Variants in CNTN5 observed in about 807,000 individuals in gnomAD.
The protein encoded by CNTN5 is contactin 5.
In CNTN5, 77 loss-of-function variants were observed where a neutral mutation model predicts 129.1. That is an observed-to-expected ratio of 0.60 (90% CI 0.50 to 0.72). The LOEUF (loss-of-function observed/expected upper bound fraction) is 0.72, where lower values mean the gene tolerates loss of function less well. CNTN5 is among the 30% of genes least tolerant of loss of function. CNTN5 has a pLI of 0.00. For missense variants in CNTN5, 1,478 were observed against 1,328.8 expected, an observed-to-expected ratio of 1.11 and a Z score of -1.75; for synonymous variants, 509 against 465.6, an observed-to-expected ratio of 1.09 and a Z score of -1.20.
At chr11:99,102,981 G>A (rs1215273688) in intron 1 of CNTN5, among the ~76,000 whole-genome samples, 1 of 152,100 alleles carries the variant, frequency 6.6e-6, no homozygotes, top group Non-Finnish European at 1.5e-5. Context: ...AGATAGGGAG[G>A]CCTCACAGTC....
intron 3 of CNTN5, among the ~76,000 whole-genome samples, chr11:99,660,707 A>C (rs544553685): frequency 6.6e-6 from 1 of 152,220 alleles, no homozygotes; most frequent in South Asian, 2.1e-4. Flanking sequence ...CTGTGTAAAT[A>C]ATTGTTCCAA....
intron 2 of CNTN5, among the ~76,000 whole-genome samples, chr11:99,498,551 T>C (rs952938232): frequency 6.6e-6 from 1 of 152,184 alleles, no homozygotes; most frequent in Non-Finnish European, 1.5e-5. Flanking sequence ...AAACTTTCCT[T>C]TGAGAATTTC....
chr11:99,206,026 A>G (rs945108036), intron 1 of CNTN5, among the ~76,000 whole-genome samples: 8 of 152,172 alleles, frequency 5.3e-5, no homozygotes, highest in African/African-American at 7.2e-5. Context: ...TTTCTTTGCT[A>G]TGTGCTCCTC....
intron 1 of CNTN5, among the ~76,000 whole-genome samples, chr11:99,321,420 A>G (rs1865566006): frequency 1.3e-5 from 2 of 151,766 alleles, no homozygotes; most frequent in South Asian, 2.1e-4. Context: ...TTAACATTTT[A>G]ATGTATTTAA....
intron 2 of CNTN5, among the ~76,000 whole-genome samples, chr11:99,420,514 G>C (rs1247733557): frequency 1.3e-5 from 2 of 152,104 alleles, no homozygotes; most frequent in East Asian, 3.9e-4. Flanking sequence ...GTCATAAAAA[G>C]AGCAAGCTTC....
intron 1 of CNTN5, among the ~76,000 whole-genome samples, chr11:99,298,984 G>C (rs1864506268): frequency 1.3e-5 from 2 of 152,166 alleles, no homozygotes; most frequent in Admixed American, 6.5e-5. Flanking sequence ...AAGAGAGAAT[G>C]CTCCTGACCA....
intron 1 of CNTN5, among the ~76,000 whole-genome samples, chr11:99,108,983 A>G (rs1857648948): frequency 6.6e-6 from 1 of 151,894 alleles, no homozygotes; most frequent in African/African-American, 2.4e-5. Context: ...ATATACAAAA[A>G]AGGCTCATAT....
chr11:99,333,423 T>C (rs989896898), intron 2 of CNTN5, among the ~76,000 whole-genome samples: 4 of 152,028 alleles, frequency 2.6e-5, no homozygotes, highest in African/African-American at 7.2e-5. Context: ...GGGGAAAATC[T>C]GCAAGACTTA....
At chr11:100,206,999 A>T (rs1948928322) in intron 15 of CNTN5, among the ~76,000 whole-genome samples, 1 of 152,144 alleles carries the variant, frequency 6.6e-6, no homozygotes, top group Admixed American at 6.6e-5. Flanking sequence ...TATCAATGTC[A>T]GGAAAAATGT....
intron 1 of CNTN5, among the ~76,000 whole-genome samples, chr11:99,180,443 G>A (rs1857993471): frequency 6.6e-6 from 1 of 152,142 alleles, no homozygotes; most frequent in Non-Finnish European, 1.5e-5. Context: ...TTTCGCATAA[G>A]GTCCAGTCAA....
At chr11:100,051,841 T>G (rs936188693) in intron 9 of CNTN5, among the ~76,000 whole-genome samples, 2 of 151,866 alleles carry the variant, frequency 1.3e-5, no homozygotes, top group Non-Finnish European at 2.9e-5. Flanking sequence ...TACAACTAGG[T>G]CAAATAAAAA....
chr11:99,067,818 A>G (rs4539292), intron 1 of CNTN5, among the ~76,000 whole-genome samples: 60,016 of 151,974 alleles, frequency 0.39, 12,304 homozygotes, highest in African/African-American at 0.49. Context: ...AAGGTGATAC[A>G]GTTTGGCTGT....
At chr11:100,047,333 G>C (rs1565824890) in intron 9 of CNTN5, among the ~76,000 whole-genome samples, 3 of 151,950 alleles carry the variant, frequency 2.0e-5, no homozygotes, top group African/African-American at 7.3e-5. Flanking sequence ...CTAAAATAAA[G>C]ACTATTTTTA....
intron 1 of CNTN5, among the ~76,000 whole-genome samples, chr11:99,071,339 G>A (rs539104042): frequency 6.0e-4 from 92 of 152,164 alleles, no homozygotes; most frequent in African/African-American, 2.1e-3. Flanking sequence ...TCCCAGTGCT[G>A]AGAGTGATGA....
At chr11:99,225,919 A>T (rs188993037) in intron 1 of CNTN5, among the ~76,000 whole-genome samples, 1 of 152,172 alleles carries the variant, frequency 6.6e-6, no homozygotes, top group South Asian at 2.1e-4. Flanking sequence ...TCATAAATTC[A>T]TGGAAGAGAT....
At chr11:100,039,566 T>C (rs866909452) in intron 9 of CNTN5, among the ~76,000 whole-genome samples, 2 of 152,240 alleles carry the variant, frequency 1.3e-5, no homozygotes, top group African/African-American at 4.8e-5. Context: ...CAGAGTGTTT[T>C]CCACCTTGGT....
chr11:99,704,950 A>G (rs1475108604), intron 3 of CNTN5, among the ~76,000 whole-genome samples: 1 of 151,258 alleles, frequency 6.6e-6, no homozygotes, highest in African/African-American at 2.4e-5. Flanking sequence ...CATTCCAATA[A>G]TTATTTCCAA....
intron 3 of CNTN5, among the ~76,000 whole-genome samples, chr11:99,581,452 A>T (rs1949588574): frequency 1.4e-5 from 2 of 147,628 alleles, no homozygotes; most frequent in Non-Finnish European, 3.0e-5. Context: ...TCCCATTATT[A>T]TTGTGTGGGA....
chr11:99,279,954 T>C (rs1276990375), intron 1 of CNTN5, among the ~76,000 whole-genome samples: 1 of 151,384 alleles, frequency 6.6e-6, no homozygotes, highest in Non-Finnish European at 1.5e-5. Context: ...CTGAGGTTTC[T>C]AGGCAACAAA....
Sources: allele counts gnomAD v4.1 joint callset (sites outside exome capture counted in the v4.1 genomes callset), GRCh38; gene constraint gnomAD v4.1.1; transcripts MANE v1.5; gene names NCBI Gene and HGNC (gene_info 2026-07-23, HGNC 2026-07-21).